The following PKP3 variants were observed in gnomAD, a reference collection of about 807,000 sequenced individuals.
The protein encoded by PKP3 is plakophilin-3.
Under a neutral mutation model 76.5 loss-of-function variants are expected in PKP3, and 66 were observed. The ratio of observed to expected loss-of-function variants is 0.86; its 90% confidence interval spans 0.71 to 1.06. PKP3 has a LOEUF of 1.06. PKP3 is among the 50% of genes least tolerant of loss of function. The pLI is 0.00. For synonymous variants in PKP3, 638 were observed against 516.5 expected, an observed-to-expected ratio of 1.24 and a Z score of -3.19; for missense variants, 1,338 against 1,141.0, an observed-to-expected ratio of 1.17 and a Z score of -2.49.
At chr11:397,840 A>C (rs1318128018) in intron 4 of PKP3, 178 bp downstream of exon 4, 2 of 618,258 alleles carry the variant, frequency 3.2e-6, no homozygotes, top group African/African-American at 1.9e-5. Flanking sequence ...ATTTGGATAC[A>C]CCAGTATCAC....
rs761351050 is a variant in PKP3, at chr11:404,398, G to A, written c.2358+75G>A. 2.7e-6 allele frequency: 4 copies of A among 1,482,840 alleles called. No homozygotes were observed. The South Asian group carries it at 3.4e-5, about 13-fold the overall frequency. The allele number at this position is 1,482,840 out of a possible 1,614,324, so 91.9% of individuals were successfully genotyped here. A position where few individuals can be genotyped will look rare whatever the true frequency, so the allele number is the denominator to read the frequency against. ...GACGCCGGGGGAGGGTCAGTGAAGA[G>A]GCCCATGGGAGGATGGAGACCAGGG... On this transcript the variant is annotated intron_variant, in intron 12 of 12. Transcript: ENST00000331563. This position sits in a 1 kb window ranked among gnomAD's most constrained non-coding sequence, Gnocchi z 4.2.
chr11:399,145 C>A lies in PKP3; in HGVS notation c.1222C>A (p.Leu408Met), dbSNP rs759304804. Residue 408 changes from leucine to methionine, a missense_variant, in exon 5 of 13, where the codon CTG becomes ATG. By Grantham distance (15) the Leu-to-Met change is conservative (BLOSUM62 2). Transcript: ENST00000331563. ...ALVEENGIFE[L>M]LRTLREQDDE... is the part of the protein sequence containing the mutation. ...GGTGGAGGAGAACGGGATCTTCGAG[C>A]TGCTGCGGACACTGCGGGAGCAGGA... 17 of 1,611,376 alleles carry A rather than the reference C, an allele frequency of 1.1e-5. No individual in the cohort carries two copies. The highest frequency in any genetic ancestry group is 1.4e-5 in the Non-Finnish European group (17 of 1,179,218).
chr11:392,761 C>T (rs1846992003), upstream of PKP3: 4 of 975,936 alleles, frequency 4.1e-6, no homozygotes, highest in South Asian at 5.4e-5. Context: ...TGGCCCCAGC[C>T]CGGGCCTCAC....
rs745397194 is a variant in PKP3 at position 403,969 on chromosome 11, G to A, written c.2104G>A (p.Glu702Lys). 5.5e-5 allele frequency: 88 copies of A among 1,605,848 alleles called. No individual in the cohort carries two copies. The highest frequency in any genetic ancestry group is 1.7e-4 in the Middle Eastern group (1 of 6,058). ...CACGAAGGTGGTGAGCCACCTGATC[G>A]AGAAGCTGCCGGGCAGCGTGGGTGA... ...MSTKVVSHLI[E>K]KLPGSVGEKS... The change falls in exon 11 of 13, where the codon GAG (glutamate) becomes AAG (lysine). Residue 702 changes from glutamate to lysine, a missense_variant. Transcript: ENST00000331563.
upstream of PKP3, among the ~76,000 whole-genome samples, chr11:392,986 C>A (rs921883852): frequency 3.9e-5 from 6 of 151,924 alleles, no homozygotes; most frequent in African/African-American, 1.5e-4. Flanking sequence ...TGGAGGAGAG[C>A]CCAGAGCCAG....
upstream of PKP3, among the ~76,000 whole-genome samples, chr11:393,008 C>T (rs910032796): frequency 6.6e-6 from 1 of 151,982 alleles, no homozygotes; most frequent in Non-Finnish European, 1.5e-5. Flanking sequence ...GTCCAGGGTC[C>T]AGGGAGAAGC....
chr11:397,798 C>T (rs1285030520), intron 4 of PKP3, 136 bp downstream of exon 4: 3 of 819,644 alleles, frequency 3.7e-6, no homozygotes, highest in Non-Finnish European at 3.8e-6. Context: ...CTGTCTGGAG[C>T]CCCCTCAGCA....
rs1211702133 is a variant in PKP3 at position 400,122 on chromosome 11, A to G, written c.1429A>G (p.Asn477Asp). 3 of 1,568,526 alleles carry G rather than the reference A, an allele frequency of 1.9e-6. No homozygotes were observed. The highest frequency in any genetic ancestry group is 1.7e-6 in the Non-Finnish European group (2 of 1,161,152). The change falls in exon 6 of 13, where the codon AAC (asparagine) becomes GAC (aspartate). Residue 477 changes from asparagine (N) to aspartate (D), a missense_variant. Asn to Asp is a conservative substitution (Grantham distance 23, BLOSUM62 1). Coordinates refer to ENST00000331563, the MANE Select transcript of PKP3 (RefSeq NM_007183.4). ...CGCCTCGGAGGCAGAGATCTTCTAC[A>G]ACGCCACCGGCTTCCTCAGGTGCGC... ...QNASEAEIFY[N>D]ATGFLRNLSS...
chr11:399,211 C>G lies in PKP3; in HGVS notation c.1273+15C>G. Reference sequence around the variant, plus strand: ...AAATGTCACAGGTGCTGCCTGTCCCCTCCTCCACCTGTCCTTCCTCCACCT... The same window carrying G: ...AAATGTCACAGGTGCTGCCTGTCCCGTCCTCCACCTGTCCTTCCTCCACCT... On this transcript the variant is annotated intron_variant, in intron 5 of 12. Transcript: ENST00000331563. 6.6e-7 allele frequency: 1 copy of G among 1,523,382 alleles called. No individual in the cohort carries two copies. The highest frequency in any genetic ancestry group is 8.9e-7 in the Non-Finnish European group (1 of 1,126,224). 94.4% of individuals were successfully genotyped at this position (1,523,382 alleles called of 1,614,324 possible).
chr11:399,648 C>T (rs771849075), intron 5 of PKP3, among the ~76,000 whole-genome samples: 7 of 146,132 alleles, frequency 4.8e-5, no homozygotes, highest in African/African-American at 7.7e-5. Flanking sequence ...TACCTTTTGC[C>T]GGCCGTGTTT....
chr11:397,124 C>G lies in PKP3; in HGVS notation c.623C>G (p.Ser208Cys). 1 of 1,598,044 alleles carries G rather than the reference C, an allele frequency of 6.3e-7. No individual in the cohort carries two copies. Among genetic ancestry groups the G allele is most frequent in the Non-Finnish European group, 8.5e-7 (1 of 1,179,278 alleles). The change falls in exon 3 of 13, where the codon TCC becomes TGC. Residue 208 changes from serine (S) to cysteine (C), a missense_variant. Physicochemically the swap from Ser to Cys is moderately radical, Grantham distance 112. Transcript: ENST00000331563. ...VSEQLEPAAT[S>C]TYRAFAYERQ... ...GAGCAGCTGGAGCCCGCGGCCACCT[C>G]CACCTACAGGGCCTTTGCGTACGAG...
intron 1 of PKP3, 147 bp downstream of exon 1, chr11:394,671 G>T (rs534123629): frequency 1.2e-5 from 8 of 655,038 alleles, no homozygotes; most frequent in Non-Finnish European, 1.8e-5. Context: ...CCCCAGGGGC[G>T]TGGGGAGAAG....
chr11:400,019 A>C lies in PKP3; in HGVS notation c.1326A>C (p.Arg442Ser), dbSNP rs967161919. ...ACCACCTGAAGGACCGCCTGGCCAG[A>C]GACACGCTGGAGCAGCTCACAGACC... The part of the protein sequence containing the change: ...SSDHLKDRLA[R>S]DTLEQLTDLV... The change falls in exon 6 of 13, where the codon AGA becomes AGC. Residue 442 changes from arginine to serine, a missense_variant. By Grantham distance (110) the Arg-to-Ser change is moderately radical (BLOSUM62 -1). Transcript: ENST00000331563. 2 of 1,607,788 alleles carry C rather than the reference A, an allele frequency of 1.2e-6. No homozygotes were observed. Among genetic ancestry groups the C allele is most frequent in the Admixed American group, 1.7e-5 (1 of 59,608 alleles).
upstream of PKP3, chr11:392,690 G>A (rs1846990155): frequency 1.6e-6 from 2 of 1,286,680 alleles, no homozygotes; most frequent in Non-Finnish European, 2.0e-6. Flanking sequence ...AGGCTGGCGG[G>A]ATCCGGACCA....
At chr11:396,557 C>T (rs1055777011) in intron 1 of PKP3, 51 bp from the exon 2 acceptor site, 9 of 1,293,602 alleles carry the variant, frequency 7.0e-6, no homozygotes, top group Non-Finnish European at 9.8e-6. Context: ...AGGCAGGAGG[C>T]CAGTGCTTTG....
At chr11:394,914 G>T (rs962236894) in intron 1 of PKP3, among the ~76,000 whole-genome samples, 2 of 152,166 alleles carry the variant, frequency 1.3e-5, no homozygotes, top group Non-Finnish European at 2.9e-5. Flanking sequence ...AGACACCCAC[G>T]CTCCTCCCAT....
chr11:399,032 T>A lies in PKP3; in HGVS notation c.1109T>A (p.Phe370Tyr), dbSNP rs758489875. Residue 370 changes from phenylalanine to tyrosine, a missense_variant, in exon 5 of 13, where the codon TTC (phenylalanine) becomes TAC (tyrosine). Phe to Tyr is a conservative substitution (Grantham distance 22). Coordinates refer to ENST00000331563, the MANE Select transcript of PKP3 (RefSeq NM_007183.4). ...LQAVPRLVKL[F>Y]NHANQEVQRH... Reference sequence around the variant, plus strand: ...GCCGTGCCTAGGCTGGTGAAGCTCTTCAACCACGCCAACCAGGAAGTGCAG... The same window carrying A: ...GCCGTGCCTAGGCTGGTGAAGCTCTACAACCACGCCAACCAGGAAGTGCAG... 2 of 1,604,422 alleles carry A rather than the reference T, an allele frequency of 1.2e-6. No homozygotes were observed. The highest frequency in any genetic ancestry group is 1.7e-6 in the Non-Finnish European group (2 of 1,174,020).
At chr11:393,429 A>AACGGCC (rs1847001734), upstream of PKP3, 1 of 151,588 alleles carries the variant, frequency 6.6e-6, no homozygotes, top group Non-Finnish European at 1.5e-5. Flanking sequence ...ATGTGCTGGG[A>AACGGCC]ACGGCCTCCC....
rs546054404 is a variant in PKP3 at position 404,094 on chromosome 11, C to T, written c.2229C>T (p.Asp743=). Residue 743 remains aspartate (D), a synonymous_variant, in exon 11 of 13, where the codon GAC becomes GAT. Coordinates refer to ENST00000331563, the MANE Select transcript of PKP3 (RefSeq NM_007183.4). The surrounding 1 kb of genome is among the most constrained non-coding windows in gnomAD (Gnocchi z 4.2). ...PIAARDLLYF[D]GLRKLIFIKK... ...CTGCCCGAGACCTGCTGTATTTTGA[C>T]GGACTCCGAAAGCTCATCTTCATCA... 11 of 1,611,800 alleles carry T rather than the reference C, an allele frequency of 6.8e-6. No homozygotes were observed. The highest frequency in any genetic ancestry group is 1.7e-4 in the Middle Eastern group (1 of 6,054).
Sources: gnomAD v4.1 joint callset for allele counts (sites outside exome capture counted in the v4.1 genomes callset) on GRCh38, gnomAD v4.1.1 for gene constraint, Gnocchi (gnomAD v3.1) non-coding constraint, MANE v1.5 for transcripts, NCBI Gene and HGNC (gene_info 2026-07-23, HGNC 2026-07-21) for gene names.